Variants in STAT3 observed in about 807,000 individuals in gnomAD.
The protein encoded by STAT3 is signal transducer and activator of transcription 3.
STAT3 carries 7 observed loss-of-function variants against 114.3 expected under a neutral mutation model. The ratio of observed to expected loss-of-function variants is 0.06; its 90% CI spans 0.03 to 0.11. The LOEUF (loss-of-function observed/expected upper bound fraction) is 0.11. Ranked by LOEUF, STAT3 falls within the 10% of genes least tolerant of loss-of-function variation. The pLI, the probability that STAT3 is intolerant of heterozygous loss-of-function variation, is 1.00. For synonymous variants in STAT3, 331 were observed against 354.5 expected (o/e 0.93, Z 0.74); for missense variants, 364 against 960.9 (o/e 0.38, Z 8.21).
intron 1 of STAT3, among the ~76,000 whole-genome samples, chr17:42,375,816 C>T (rs532579406): frequency 7.3e-4 from 99 of 136,084 alleles, no homozygotes; most frequent in Non-Finnish European, 1.3e-3. Context: ...GCAACAAGAG[C>T]GAAACTCCAT....
intron 1 of STAT3, chr17:42,387,977 G>T: frequency 3.2e-6 from 1 of 308,938 alleles, no homozygotes; most frequent in Admixed American, 5.1e-5. Flanking sequence ...GCAGGAAATC[G>T]GGGGACTGTC....
intron 8 of STAT3, among the ~76,000 whole-genome samples, chr17:42,335,877 AAGAG>A (rs2082210396): frequency 6.6e-6 from 1 of 152,168 alleles, no homozygotes; most frequent in Non-Finnish European, 1.5e-5. Flanking sequence ...AAATTAAAAA[AAGAG>A]AGAAGTTAGC....
intron 1 of STAT3, among the ~76,000 whole-genome samples, chr17:42,369,450 T>C (rs2083986545): frequency 6.6e-6 from 1 of 152,202 alleles, no homozygotes; most frequent in Non-Finnish European, 1.5e-5. Context: ...ACATTTTCTT[T>C]ATCCAATTTG....
intron 1 of STAT3, among the ~76,000 whole-genome samples, chr17:42,356,950 G>A (rs1285285692): frequency 2.6e-5 from 4 of 152,030 alleles, no homozygotes; most frequent in Admixed American, 2.6e-4. Flanking sequence ...ATCATACCCG[G>A]CTAATTTTTG....
chr17:42,324,070 C>T lies in STAT3; in HGVS notation c.1601-445G>A, dbSNP rs1277766751. On this transcript the variant is annotated intron_variant, in intron 17 of 23. Transcript: ENST00000264657. This position sits in a 1 kb window ranked among gnomAD's most constrained non-coding sequence, Gnocchi z 4.5. ...GCACAGTGGCTCAAGCCTGTAATCCCAGCACTTTAGGAGGCCGAGGTGGGC... is the reference window on the plus strand; with the variant it reads ...GCACAGTGGCTCAAGCCTGTAATCCTAGCACTTTAGGAGGCCGAGGTGGGC... 6.6e-6 allele frequency among the ~76,000 whole-genome samples: 1 copy of T among 152,152 alleles called. No individual in the cohort carries two copies. Among genetic ancestry groups the T allele is most frequent in the East Asian group, 1.9e-4 (1 of 5,196 alleles).
intron 20 of STAT3, 47 bp downstream of exon 20, chr17:42,322,957 G>A (rs764891334): frequency 1.2e-6 from 2 of 1,612,314 alleles, no homozygotes; most frequent in South Asian, 2.2e-5. Flanking sequence ...GCAGTGATGA[G>A]GCCTCAGCAG....
At chr17:42,320,622 C>A (rs977912028) in intron 21 of STAT3, among the ~76,000 whole-genome samples, 2 of 149,580 alleles carry the variant, frequency 1.3e-5, no homozygotes, top group African/African-American at 4.9e-5. Flanking sequence ...CCCAGCTACT[C>A]GGGAGGCTGA....
Position 42,345,540 on chromosome 17 carries a change from G to A in STAT3, c.372+19C>T. The A allele has an allele frequency of 6.3e-7, 1 of 1,585,950 alleles. No homozygotes were observed. Among genetic ancestry groups the A allele is most frequent in the East Asian group, 2.3e-5 (1 of 43,534 alleles). On this transcript the variant is annotated intron_variant, in intron 4 of 23. Transcript: ENST00000264657. ...TCCATTCCTCCCAGACCAGGGATTT[G>A]TTTTGTCTCAGGTCTCACCTGGGCC...
chr17:42,318,393 C>T (rs529435202), intron 21 of STAT3, among the ~76,000 whole-genome samples: 1 of 152,218 alleles, frequency 6.6e-6, no homozygotes, highest in East Asian at 1.9e-4. Context: ...TCCCAAAGTG[C>T]TGGATTACAA....
chr17:42,318,535 A>G (rs1232721272), intron 21 of STAT3, among the ~76,000 whole-genome samples: 1 of 152,218 alleles, frequency 6.6e-6, no homozygotes, highest in African/African-American at 2.4e-5. Flanking sequence ...CTTGTTCTAC[A>G]GTTAGAAATG....
At chr17:42,327,961 G>A (rs956642685) in intron 14 of STAT3, among the ~76,000 whole-genome samples, 8 of 151,380 alleles carry the variant, frequency 5.3e-5, no homozygotes, top group African/African-American at 1.9e-4. Context: ...CAGGAGAATC[G>A]CTTGAACCTA....
At chr17:42,334,424 G>C (rs1000672460) in intron 8 of STAT3, among the ~76,000 whole-genome samples, 2 of 147,336 alleles carry the variant, frequency 1.4e-5, no homozygotes, top group African/African-American at 5.0e-5. Context: ...ACAGGTGTAA[G>C]CCACTGCGCC....
chr17:42,355,554 G>A (rs755883631), intron 1 of STAT3, among the ~76,000 whole-genome samples: 4 of 152,124 alleles, frequency 2.6e-5, no homozygotes, highest in Non-Finnish European at 5.9e-5. Context: ...TTCTATAACT[G>A]AAGAGAAAAG....
In STAT3 at chr17:42,316,520, A is replaced by G. The variant is rs879132189; in HGVS notation, c.2257+269T>C. 1.0e-5 allele frequency: 9 copies of G among 886,546 alleles called. No homozygotes were observed. The South Asian group carries it at 1.2e-4, about 12-fold the overall frequency. The allele number at this position is 886,546 out of a possible 1,614,324, so 54.9% of individuals were successfully genotyped here. On this transcript the variant is annotated intron_variant, in intron 23 of 23. Transcript: ENST00000264657. ...AGGCATGAGCCACTCACCCAGCCTC[A>G]ACTTTTTCTGAAATGTTAAATTGAG...
intron 1 of STAT3, among the ~76,000 whole-genome samples, chr17:42,352,258 G>C (rs193169884): frequency 1.2e-4 from 19 of 152,050 alleles, no homozygotes; most frequent in African/African-American, 3.9e-4. Flanking sequence ...AGAATCACTT[G>C]AACCCGGGAG....
intron 23 of STAT3, 23 bp downstream of exon 23, chr17:42,316,764 CAA>C: frequency 6.2e-7 from 1 of 1,613,856 alleles, no homozygotes; most frequent in Non-Finnish European, 8.5e-7. Flanking sequence ...CTTATAGGGA[CAA>C]AGTCTGTCAA....
intron 21 of STAT3, 85 bp from the exon 22 acceptor site, chr17:42,317,309 G>A (rs1274784413): frequency 6.7e-7 from 1 of 1,489,612 alleles, no homozygotes; most frequent in African/African-American, 1.4e-5. Context: ...GCCTCGGCAG[G>A]ACTGATTTGA....
chr17:42,367,723 C>A lies in STAT3; in HGVS notation c.-23-19184G>T, dbSNP rs533645351. On this transcript the variant is annotated intron_variant, in intron 1 of 23. Transcript: ENST00000264657. ...TCCATTGTTCATATATTTCTTTTTT[C>A]ATGTATCTCCTTCCAATATGATCAA... 2.6e-5 allele frequency among the ~76,000 whole-genome samples: 4 copies of A among 152,256 alleles called. No individual in the cohort carries two copies. The East Asian group carries it at 7.7e-4, about 29-fold the overall frequency.
intron 22 of STAT3, 70 bp from the exon 23 acceptor site, chr17:42,316,971 A>T: frequency 6.4e-7 from 1 of 1,570,076 alleles, no homozygotes; most frequent in Non-Finnish European, 8.6e-7. Context: ...AAAAAAAAAG[A>T]ACAAAACACA....
Sources: gnomAD v4.1 joint callset for allele counts (sites outside exome capture counted in the v4.1 genomes callset) on GRCh38, gnomAD v4.1.1 for gene constraint, Gnocchi (gnomAD v3.1) non-coding constraint, MANE v1.5 for transcripts, NCBI Gene and HGNC (gene_info 2026-07-23, HGNC 2026-07-21) for gene names.